Variants in ZFHX3 observed in about 807,000 individuals in gnomAD.
ZFHX3 encodes the protein zinc finger homeobox 3.
A neutral mutation model predicts 279.1 loss-of-function variants in ZFHX3; 42 were observed. The ratio of observed to expected loss-of-function variants is 0.15; its 90% CI spans 0.12 to 0.19. The LOEUF (loss-of-function observed/expected upper bound fraction) is 0.19, where lower values mean the gene tolerates loss of function less well. Ranked by LOEUF, ZFHX3 falls within the 10% of genes least tolerant of loss-of-function variation. The pLI is 1.00. For synonymous variants in ZFHX3, 2,293 were observed against 1,957.8 expected (o/e 1.17, Z -4.52); for missense variants, 4,981 against 4,754.0 (o/e 1.05, Z -1.40).
rs745714460 is a variant in ZFHX3, at chr16:72,960,007, G to C, written c.139C>G (p.His47Asp). Residue 47 changes from histidine to aspartate, a missense_variant, in exon 2 of 10, where the codon CAC (histidine) becomes GAC (aspartate). His to Asp is a moderately conservative substitution (Grantham distance 81, BLOSUM62 -1). Transcript: ENST00000268489. ...GCCCTCAGGCTGTCCAAGGGCCCGT[G>C]GCTCTCGCCTGTGGACTGCTCCATG... ...SSMEQSTGES[H>D]GPLDSLRAPF... 1.9e-6 allele frequency: 3 copies of C among 1,613,814 alleles called. No homozygotes were observed. The highest frequency in any genetic ancestry group is 1.7e-5 in the Admixed American group (1 of 59,996).
At chr16:72,882,155 G>C (rs985385770) in intron 4 of ZFHX3, among the ~76,000 whole-genome samples, 6 of 145,184 alleles carry the variant, frequency 4.1e-5, no homozygotes, top group Non-Finnish European at 8.9e-5. Flanking sequence ...GGAACCATCA[G>C]CAGGTACCCC....
intron 2 of ZFHX3, among the ~76,000 whole-genome samples, chr16:73,456,557 G>A (rs968999157): frequency 1.3e-5 from 2 of 152,188 alleles, no homozygotes; most frequent in Admixed American, 6.5e-5. Context: ...CAAAACATAG[G>A]ACACTATGTT....
At chr16:73,667,521 A>G (rs2052856356) in intron 2 of ZFHX3, among the ~76,000 whole-genome samples, 1 of 152,204 alleles carries the variant, frequency 6.6e-6, no homozygotes, top group African/African-American at 2.4e-5. Context: ...TGGTTGTACC[A>G]TTTTGTATTC....
upstream of ZFHX3, among the ~76,000 whole-genome samples, chr16:73,051,160 C>T (rs1276201465): frequency 6.6e-6 from 1 of 152,214 alleles, no homozygotes; most frequent in Non-Finnish European, 1.5e-5. Flanking sequence ...ATTTGTGCAC[C>T]CTTCCGGGTT....
chr16:73,817,974 T>G (rs1960625359), intron 1 of ZFHX3, among the ~76,000 whole-genome samples: 1 of 152,192 alleles, frequency 6.6e-6, no homozygotes, highest in African/African-American at 2.4e-5. Flanking sequence ...AAGCCAAGTG[T>G]ACGAAAGTTA....
chr16:72,979,301 A>T (rs1403485285), intron 1 of ZFHX3, among the ~76,000 whole-genome samples: 1 of 152,182 alleles, frequency 6.6e-6, no homozygotes, highest in Non-Finnish European at 1.5e-5. Context: ...GATCCCTCCA[A>T]CTGTTTGCCT....
At chr16:73,142,572 A>T (rs965774282) in intron 6 of ZFHX3, among the ~76,000 whole-genome samples, 3 of 152,222 alleles carry the variant, frequency 2.0e-5, no homozygotes, top group Admixed American at 1.3e-4. Flanking sequence ...CACATAAAGC[A>T]GTGAGGCTAA....
Position 72,960,061 on chromosome 16 carries a change from TGTTGA to T in ZFHX3, c.80_84del (p.Leu27GlnfsTer6). 6.2e-7 allele frequency: 1 copy of T among 1,613,924 alleles called. No homozygotes were observed. Among genetic ancestry groups the T allele is most frequent in the Non-Finnish European group, 8.5e-7 (1 of 1,179,938 alleles). On this transcript the variant is annotated frameshift_variant, in exon 2 of 10. Transcript: ENST00000268489. LOFTEE classifies it high-confidence loss of function. ...CTGGGTTTGTCAGGGAGGTGGGTGCTGTTGAGTTCAGTCCATTGCTGGTGCTGAGG... is the reference window on the plus strand; with the variant it reads ...CTGGGTTTGTCAGGGAGGTGGGTGCTGTTCAGTCCATTGCTGGTGCTGAGG...
rs2035409892 is a variant in ZFHX3 at position 72,787,030 on chromosome 16, CTTTTTTTTCT to C, written c.*124_*133del. On this transcript the variant is annotated 3_prime_UTR_variant, in exon 10 of 10. Coordinates refer to ENST00000268489, the MANE Select transcript of ZFHX3 (RefSeq NM_006885.4). Reference sequence around the variant, plus strand: ...TATGGGAAAACAACCCACGCTTTTTCTTTTTTTTCTTTTTTTTTTTTTTTTTGTTTTTTGG... The same window carrying C: ...TATGGGAAAACAACCCACGCTTTTTCTTTTTTTTTTTTTTTTGTTTTTTGG... 8 of 967,802 alleles carry C rather than the reference CTTTTTTTTCT, an allele frequency of 8.3e-6. No homozygotes were observed. Among genetic ancestry groups the C allele is most frequent in the African/African-American group, 4.3e-5 (2 of 46,048 alleles). The allele number at this position is 967,802 out of a possible 1,614,324, so 60.0% of individuals were successfully genotyped here. A position where few individuals can be genotyped will look rare whatever the true frequency, so the allele number is the denominator to read the frequency against.
chr16:72,932,709 G>T (rs1465991672), intron 3 of ZFHX3, among the ~76,000 whole-genome samples: 2 of 149,330 alleles, frequency 1.3e-5, no homozygotes, highest in East Asian at 2.0e-4. Flanking sequence ...AACCAACAGC[G>T]TGTCAAGTTC....
At chr16:72,979,563 C>T (rs1962497271) in intron 1 of ZFHX3, among the ~76,000 whole-genome samples, 1 of 152,188 alleles carries the variant, frequency 6.6e-6, no homozygotes, top group South Asian at 2.1e-4. Flanking sequence ...ACCAAAATCT[C>T]TCAGGAAGCT....
intron 1 of ZFHX3, among the ~76,000 whole-genome samples, chr16:73,865,842 G>A (rs545527253): frequency 1.6e-3 from 235 of 151,522 alleles, no homozygotes; most frequent in South Asian, 7.1e-3. Flanking sequence ...AAAAATAGCC[G>A]GGTGTGGTGG....
intron 2 of ZFHX3, among the ~76,000 whole-genome samples, chr16:73,656,162 A>G (rs762964843): frequency 2.6e-5 from 4 of 152,236 alleles, no homozygotes; most frequent in Non-Finnish European, 5.9e-5. Context: ...ATCCATTTAC[A>G]TGTTGTCTGT....
At chr16:73,290,849 G>A (rs2014751548) in intron 4 of ZFHX3, among the ~76,000 whole-genome samples, 1 of 152,200 alleles carries the variant, frequency 6.6e-6, no homozygotes, top group South Asian at 2.1e-4. Flanking sequence ...AGGAACCTTG[G>A]TTAGTGGGAT....
chr16:73,809,367 A>G (rs1960368320), intron 1 of ZFHX3: 1 of 152,206 alleles, frequency 6.6e-6, no homozygotes, highest in Admixed American at 6.6e-5. Context: ...ACTGTGTGGA[A>G]GCCTGCCCCT....
chr16:73,291,977 C>A (rs1173026127), intron 4 of ZFHX3, among the ~76,000 whole-genome samples: 1 of 152,078 alleles, frequency 6.6e-6, no homozygotes, highest in Non-Finnish European at 1.5e-5. Flanking sequence ...GCTCTCTGTA[C>A]CTCTCCTCTG....
At chr16:73,454,522 G>A (rs1448338669) in intron 3 of ZFHX3, among the ~76,000 whole-genome samples, 4 of 146,996 alleles carry the variant, frequency 2.7e-5, no homozygotes, top group Admixed American at 1.4e-4. Flanking sequence ...TTTGACTTAG[G>A]TTAGTTAGCA....
chr16:73,417,988 CAAAAAAAA>C (rs71156161), intron 3 of ZFHX3, among the ~76,000 whole-genome samples: 26 of 57,858 alleles, frequency 4.5e-4, no homozygotes, highest in East Asian at 1.4e-3. Flanking sequence ...GACTCCATCT[CAAAAAAAA>C]AAAAAAAAAA....
At chr16:73,288,089 T>C (rs1302954844) in intron 4 of ZFHX3, among the ~76,000 whole-genome samples, 1 of 151,730 alleles carries the variant, frequency 6.6e-6, no homozygotes, top group Non-Finnish European at 1.5e-5. Flanking sequence ...CATTTGCTCT[T>C]AGCCGTTCCA....
Sources: gnomAD v4.1 joint callset for allele counts (sites outside exome capture counted in the v4.1 genomes callset) on GRCh38, gnomAD v4.1.1 for gene constraint, MANE v1.5 for transcripts, NCBI Gene and HGNC (gene_info 2026-07-23, HGNC 2026-07-21) for gene names.